Variants in MFSD11 observed in about 807,000 individuals in gnomAD.
MFSD11 encodes the protein major facilitator superfamily domain containing 11, also known as UNC93-like protein MFSD11.
A neutral mutation model predicts 53.5 loss-of-function variants in MFSD11; 36 were observed. That is an observed-to-expected ratio of 0.67 (90% CI 0.52 to 0.89). MFSD11 has a LOEUF of 0.89. Ranked by LOEUF, MFSD11 falls within the 40% of genes least tolerant of loss-of-function variation. The pLI is 0.00. For missense variants in MFSD11, 530 were observed against 543.9 expected (o/e 0.97, Z 0.25); for synonymous variants, 186 against 184.9 (o/e 1.01, Z -0.05).
At chr17:76,801,491 G>A in the MFSD11 span, among the ~76,000 whole-genome samples, 3 of 144,112 alleles carry the variant, frequency 2.1e-5, no homozygotes, top group Non-Finnish European at 4.5e-5. Context: ...CTGTCACCCA[G>A]GCTGGAGTGC....
the MFSD11 span, among the ~76,000 whole-genome samples, chr17:76,793,090 A>G: frequency 6.6e-6 from 1 of 151,584 alleles, no homozygotes; most frequent in Non-Finnish European, 1.5e-5. Context: ...GGGCGAAATT[A>G]AAATTGCTAA....
At chr17:76,800,714 C>T in the MFSD11 span, among the ~76,000 whole-genome samples, 1 of 152,116 alleles carries the variant, frequency 6.6e-6, no homozygotes, top group African/African-American at 2.4e-5. Flanking sequence ...GTAAAATAAC[C>T]TTAAGATGTG....
At chr17:76,758,284 A>G (rs1598630702) in intron 8 of MFSD11, among the ~76,000 whole-genome samples, 1 of 143,608 alleles carries the variant, frequency 7.0e-6, no homozygotes, top group Non-Finnish European at 1.5e-5. Context: ...AAATGAAACT[A>G]TAAAAGTAAT....
upstream of MFSD11, chr17:76,737,270 A>C: frequency 7.1e-7 from 1 of 1,404,304 alleles, no homozygotes. Flanking sequence ...GGACACTGGG[A>C]AAGGCCTTGC....
intron 8 of MFSD11, among the ~76,000 whole-genome samples, chr17:76,755,173 C>T (rs973438348): frequency 2.0e-5 from 3 of 151,514 alleles, no homozygotes; most frequent in South Asian, 2.1e-4. Flanking sequence ...GCTGATATCA[C>T]GCCACTGCAC....
chr17:76,751,749 AT>A (rs908259997), intron 7 of MFSD11, among the ~76,000 whole-genome samples: 1 of 152,000 alleles, frequency 6.6e-6, no homozygotes, highest in Non-Finnish European at 1.5e-5. Context: ...AGGAAAAAAT[AT>A]TTTTTAAAAA....
the MFSD11 span, among the ~76,000 whole-genome samples, chr17:76,787,160 A>G: frequency 4.8e-5 from 6 of 125,390 alleles, no homozygotes; most frequent in South Asian, 1.0e-3. Context: ...TTTGAGACAG[A>G]GTTTCGCTCT....
At chr17:76,782,175 T>C (rs2082179687), downstream of MFSD11, among the ~76,000 whole-genome samples, 1 of 149,476 alleles carries the variant, frequency 6.7e-6, no homozygotes, top group African/African-American at 2.5e-5. Context: ...ATTCAGTTCT[T>C]TTTTATTTTT....
chr17:76,780,935 C>G (rs1356108455), downstream of MFSD11: 1 of 152,204 alleles, frequency 6.6e-6, no homozygotes, highest in African/African-American at 2.4e-5. Context: ...GATTTATTAT[C>G]TCTTTAAGCA....
the MFSD11 span, among the ~76,000 whole-genome samples, chr17:76,798,849 A>C: frequency 1.1e-4 from 16 of 151,654 alleles, no homozygotes; most frequent in Admixed American, 7.2e-4. Flanking sequence ...CCAACGTGGC[A>C]AAGCCCCGTC....
chr17:76,742,694 C>T (rs1568045968), intron 5 of MFSD11, among the ~76,000 whole-genome samples: 3 of 151,902 alleles, frequency 2.0e-5, no homozygotes, highest in South Asian at 2.1e-4. Context: ...TTAGTAGAGA[C>T]GGAGTTTCAC....
downstream of MFSD11, among the ~76,000 whole-genome samples, chr17:76,784,169 C>T (rs1367998949): frequency 2.0e-5 from 3 of 152,216 alleles, no homozygotes; most frequent in East Asian, 1.9e-4. Context: ...AATATTTGTA[C>T]ACCCATATTC....
intron 6 of MFSD11, 97 bp downstream of exon 6, chr17:76,743,553 A>G (rs113190665): frequency 1.1e-5 from 8 of 698,338 alleles, no homozygotes; most frequent in Non-Finnish European, 1.6e-5. Flanking sequence ...CATCGTTCTC[A>G]TGAACCCCGA....
chr17:76,750,648 G>C (rs1182390249), intron 7 of MFSD11, among the ~76,000 whole-genome samples: 1 of 151,662 alleles, frequency 6.6e-6, no homozygotes, highest in African/African-American at 2.4e-5. Flanking sequence ...GAGCCACCGC[G>C]CCTGGCCGAG....
chr17:76,770,505 GGT>G (rs2081297459), intron 10 of MFSD11, among the ~76,000 whole-genome samples: 1 of 152,040 alleles, frequency 6.6e-6, no homozygotes, highest in African/African-American at 2.4e-5. Context: ...TCACCAACTG[GGT>G]GTCCAACAGC....
At chr17:76,746,546 A>G (rs1228680937) in intron 7 of MFSD11, among the ~76,000 whole-genome samples, 1 of 152,202 alleles carries the variant, frequency 6.6e-6, no homozygotes, top group Non-Finnish European at 1.5e-5. Flanking sequence ...CCTTCAAAGA[A>G]CAGGCCGACT....
At chr17:76,765,452 C>CT (rs59878271) in intron 8 of MFSD11, among the ~76,000 whole-genome samples, 2,446 of 91,492 alleles carry the variant, frequency 0.027, 407 homozygotes, top group African/African-American at 0.053. Context: ...CTTGAATTTC[C>CT]TTTTTTTTTT....
rs754758049 is a variant in MFSD11 at position 76,775,180 on chromosome 17, G to C, written c.1049+9G>C. 19 of 1,612,508 alleles carry C rather than the reference G, an allele frequency of 1.2e-5. No homozygotes were observed. The highest frequency in any genetic ancestry group is 1.6e-5 in the Non-Finnish European group (19 of 1,179,408). On this transcript the variant is annotated intron_variant, in intron 11 of 12. Transcript: ENST00000685175. ...GCTTACATCAAATCCAGGTATAGTGGCTGTCATTTCTCTAGTCGCTTGAGT... is the reference window on the plus strand; with the variant it reads ...GCTTACATCAAATCCAGGTATAGTGCCTGTCATTTCTCTAGTCGCTTGAGT...
At chr17:76,750,967 A>G (rs1258778576) in intron 7 of MFSD11, among the ~76,000 whole-genome samples, 1 of 151,538 alleles carries the variant, frequency 6.6e-6, no homozygotes, top group Admixed American at 6.6e-5. Flanking sequence ...CACCTGGCTA[A>G]TTTTTGTATT....
Sources: allele counts gnomAD v4.1 joint callset (sites outside exome capture counted in the v4.1 genomes callset), GRCh38; gene constraint gnomAD v4.1.1; transcripts MANE v1.5; gene names NCBI Gene and HGNC (gene_info 2026-07-23, HGNC 2026-07-21).